Variants in PCDHGB3 observed in about 807,000 individuals in gnomAD.
PCDHGB3 encodes the protein protocadherin gamma subfamily B, 3.
A neutral mutation model predicts 59.2 loss-of-function variants in PCDHGB3; 40 were observed. The observed-to-expected ratio is 0.68, with a 90% CI of 0.52 to 0.88. PCDHGB3 has a LOEUF of 0.88. PCDHGB3 is among the 40% of genes least tolerant of loss of function. PCDHGB3 has a pLI of 0.00. For missense variants in PCDHGB3, 1,309 were observed against 1,187.9 expected (o/e 1.10, Z -1.50); for synonymous variants, 581 against 503.6 (o/e 1.15, Z -2.06).
chr5:141,374,719 T>C, intron 1 of PCDHGB3: 3 of 1,610,224 alleles, frequency 1.9e-6, no homozygotes, highest in Non-Finnish European at 1.7e-6. Flanking sequence ...GCCTGGTCCT[T>C]ACTGCCATGG....
At chr5:141,404,265 T>G in intron 1 of PCDHGB3, 1 of 1,613,998 alleles carries the variant, frequency 6.2e-7, no homozygotes, top group Non-Finnish European at 8.5e-7. Context: ...GAAATTCACA[T>G]CACCCTGCAA....
chr5:141,457,079 C>T (rs114054058), intron 1 of PCDHGB3, among the ~76,000 whole-genome samples: 2,973 of 152,194 alleles, frequency 0.02, 43 homozygotes, highest in African/African-American at 0.029. Flanking sequence ...AACTATTATC[C>T]CTGCTATAAG....
rs147783721 is a variant in PCDHGB3 at position 141,404,989 on chromosome 5, G to T, written c.2415+32180G>T. ...TCCTGGCTGACCTGGGCAGTCTTCAGATCCCTGCAGACCTGGAGGCCTCAG... is the reference window on the plus strand; with the variant it reads ...TCCTGGCTGACCTGGGCAGTCTTCATATCCCTGCAGACCTGGAGGCCTCAG... On this transcript the variant is annotated intron_variant, in intron 1 of 3. Transcript: ENST00000576222. 1.6e-5 allele frequency: 26 copies of T among 1,614,046 alleles called. No individual in the cohort carries two copies. In the Admixed American group the frequency reaches 4.0e-4, roughly 25 times the overall value.
At chr5:141,428,100 G>C (rs1313410784) in intron 1 of PCDHGB3, 11 of 1,608,462 alleles carry the variant, frequency 6.8e-6, no homozygotes, top group Non-Finnish European at 9.3e-6. Context: ...GTCCTACCAC[G>C]TGCTGCAGGC....
intron 3 of PCDHGB3, among the ~76,000 whole-genome samples, chr5:141,507,809 C>T (rs866898784): frequency 2.0e-5 from 3 of 152,206 alleles, no homozygotes; most frequent in Non-Finnish European, 2.9e-5. Flanking sequence ...CCCTGGGGAA[C>T]GGACCCTGGG....
Position 141,447,676 on chromosome 5 carries a change from C to T in PCDHGB3, c.2416-47131C>T, listed in dbSNP as rs1466767844. Among the ~76,000 whole-genome samples the T allele has an allele frequency of 2.6e-5, 4 of 152,104 alleles. No individual in the cohort carries two copies. The East Asian group carries it at 7.7e-4, about 29-fold the overall frequency. On this transcript the variant is annotated intron_variant, in intron 1 of 3. Coordinates refer to ENST00000576222, the MANE Select transcript of PCDHGB3 (RefSeq NM_018924.5). The stretch of plus-strand genomic sequence containing the variant: ...CCCCCCCAGGAAGTTAGAACTGTTC[C>T]ATATCTTGATAGAGGGATGGGTTAT...
chr5:141,487,135 A>G lies in PCDHGB3; in HGVS notation c.2416-7672A>G. 6.2e-7 allele frequency: 1 copy of G among 1,613,544 alleles called. No individual in the cohort carries two copies. The highest frequency in any genetic ancestry group is 8.5e-7 in the Non-Finnish European group (1 of 1,179,856). ...TGGTAAAGGATAGTGGTAGTCCACC[A>G]CTCTCTACCTCTGTTACTCTCTTAG... On this transcript the variant is annotated intron_variant, in intron 1 of 3. Transcript: ENST00000576222. The surrounding 1 kb of genome is among the most constrained non-coding windows in gnomAD (Gnocchi z 5.0).
Position 141,494,815 on chromosome 5 carries a change from G to A in PCDHGB3, c.2424G>A (p.Pro808=), listed in dbSNP as rs765344906. 1 of 1,613,976 alleles carries A rather than the reference G, an allele frequency of 6.2e-7. No homozygotes were observed. Among genetic ancestry groups the A allele is most frequent in the South Asian group, 1.1e-5 (1 of 91,072 alleles). ...SNSGNLQKQA[P]PNTDWRFSQA... The stretch of plus-strand genomic sequence containing the variant: ...CTCTGTTTTCTCCACAGCAAGCCCC[G>A]CCCAACACGGACTGGCGTTTCTCTC... The change falls in exon 2 of 4, where the codon CCG becomes CCA. Residue 808 remains proline, a synonymous_variant. Transcript: ENST00000576222.
At chr5:141,502,575 A>G (rs1314648955) in intron 2 of PCDHGB3, among the ~76,000 whole-genome samples, 2 of 152,208 alleles carry the variant, frequency 1.3e-5, no homozygotes, top group Admixed American at 1.3e-4. Context: ...CATTATAAAA[A>G]TATATTTTTA....
chr5:141,432,374 C>A lies in PCDHGB3; in HGVS notation c.2415+59565C>A. 2.5e-6 allele frequency: 4 copies of A among 1,614,240 alleles called. No individual in the cohort carries two copies. Among genetic ancestry groups the A allele is most frequent in the Non-Finnish European group, 3.4e-6 (4 of 1,180,042 alleles). On this transcript the variant is annotated intron_variant, in intron 1 of 3. Coordinates refer to ENST00000576222, the MANE Select transcript of PCDHGB3 (RefSeq NM_018924.5). This position sits in a 1 kb window ranked among gnomAD's most constrained non-coding sequence, Gnocchi z 6.0. ...GAAAGTGATGGCGCGGGACAACGGG[C>A]ACCCGCCCCTCAGCAGCAACGTGTC...
rs144113016 is a variant in PCDHGB3 at position 141,428,135 on chromosome 5, G to T, written c.2415+55326G>T. On this transcript the variant is annotated intron_variant, in intron 1 of 3. Coordinates refer to ENST00000576222, the MANE Select transcript of PCDHGB3 (RefSeq NM_018924.5). Reference sequence around the variant, plus strand: ...CCATCGAGCCCGGGCTTTTCAGCCTGGGGCTGCACACGGGAACCTGCTGGT... The same window carrying T: ...CCATCGAGCCCGGGCTTTTCAGCCTTGGGCTGCACACGGGAACCTGCTGGT... 347 of 1,601,046 alleles carry T rather than the reference G, an allele frequency of 2.2e-4. No homozygotes were observed. The African/African-American group carries it at 3.9e-3, about 18-fold the overall frequency.
chr5:141,375,151 T>G, intron 1 of PCDHGB3: 2 of 1,613,962 alleles, frequency 1.2e-6, no homozygotes, highest in Non-Finnish European at 1.7e-6. Context: ...GCAGAACAAT[T>G]GCTGAAAGTG....
In PCDHGB3 at chr5:141,511,186, G is replaced by T; in HGVS notation, c.*13G>T. On this transcript the variant is annotated 3_prime_UTR_variant, in exon 4 of 4. Transcript: ENST00000576222. ...GGAGAAGAAGTAACATGGAGGCCAG[G>T]CCAAGAGCCACAGGGCGGCCTCTCC... 6.2e-7 allele frequency: 1 copy of T among 1,613,906 alleles called. No individual in the cohort carries two copies. The highest frequency in any genetic ancestry group is 2.2e-5 in the East Asian group (1 of 44,876).
chr5:141,439,618 C>T (rs964445098), intron 1 of PCDHGB3, among the ~76,000 whole-genome samples: 2 of 152,178 alleles, frequency 1.3e-5, no homozygotes, highest in East Asian at 3.8e-4. Context: ...GATAAATGAG[C>T]CAATCCCCAG....
rs773174763 is a variant in PCDHGB3 at position 141,477,409 on chromosome 5, C to T, written c.2416-17398C>T. The T allele has an allele frequency of 1.4e-5, 22 of 1,614,058 alleles. No homozygotes were observed. The highest frequency in any genetic ancestry group is 1.7e-5 in the Admixed American group (1 of 60,006). On this transcript the variant is annotated intron_variant, in intron 1 of 3. Transcript: ENST00000576222. This position sits in a 1 kb window ranked among gnomAD's most constrained non-coding sequence, Gnocchi z 4.9. ...ACAACCTCAGCATCACCGCCCGAGA[C>T]GCCGGAACCCCTTCCCTCTCAGCCC...
rs756476818 is a variant in PCDHGB3 at position 141,431,027 on chromosome 5, A to G, written c.2415+58218A>G. The G allele has an allele frequency of 6.2e-6, 10 of 1,614,034 alleles. No homozygotes were observed. The highest frequency in any genetic ancestry group is 1.1e-5 in the South Asian group (1 of 91,078). On this transcript the variant is annotated intron_variant, in intron 1 of 3. Coordinates refer to ENST00000576222, the MANE Select transcript of PCDHGB3 (RefSeq NM_018924.5). This position sits in a 1 kb window ranked among gnomAD's most constrained non-coding sequence, Gnocchi z 4.8. ...CGGCAGCTTGGTCACGGCGGGCAGG[A>G]TAGACCGGGAGGAGCTCTGTATGGG...
At chr5:141,403,306 A>C in intron 1 of PCDHGB3, 1 of 1,613,908 alleles carries the variant, frequency 6.2e-7, no homozygotes, top group Non-Finnish European at 8.5e-7. Context: ...AACTGTACGG[A>C]ATAGAAATAG....
chr5:141,393,480 T>A (rs1026854698), intron 1 of PCDHGB3: 1 of 1,614,062 alleles, frequency 6.2e-7, no homozygotes, highest in Non-Finnish European at 8.5e-7. Context: ...GCCGCCTCGC[T>A]CTAGCACAGT....
chr5:141,422,800 C>T, intron 1 of PCDHGB3: 1 of 1,614,214 alleles, frequency 6.2e-7, no homozygotes, highest in Non-Finnish European at 8.5e-7. Context: ...CGACTATGAG[C>T]AGTTTCGAGA....
Sources: allele counts gnomAD v4.1 joint callset (sites outside exome capture counted in the v4.1 genomes callset), GRCh38; gene constraint gnomAD v4.1.1; non-coding constraint Gnocchi (gnomAD v3.1); transcripts MANE v1.5; gene names NCBI Gene and HGNC (gene_info 2026-07-23, HGNC 2026-07-21).